The following GPR63 variants were observed in gnomAD, a reference collection of about 807,000 sequenced individuals.
GPR63 encodes the protein probable G protein-coupled receptor 63.
In GPR63, 12 loss-of-function variants were observed where a neutral mutation model predicts 23.1. The ratio of observed to expected loss-of-function variants is 0.52; its 90% confidence interval spans 0.33 to 0.84. The LOEUF is 0.84. Among genes scored for constraint, GPR63 ranks in the 40% least tolerant of loss-of-function variants. The pLI, the probability that GPR63 is intolerant of heterozygous loss-of-function variation, is 0.02. For synonymous variants in GPR63, 172 were observed against 191.1 expected, an observed-to-expected ratio of 0.90 and a Z score of 0.82; for missense variants, 472 against 515.6, an observed-to-expected ratio of 0.92 and a Z score of 0.82.
At chr6:96,815,737 A>G (rs1360331143) in intron 1 of GPR63, among the ~76,000 whole-genome samples, 2 of 152,204 alleles carry the variant, frequency 1.3e-5, no homozygotes, top group East Asian at 1.9e-4. Flanking sequence ...TATATCATAT[A>G]TATCAATAAA....
At chr6:96,821,319 C>T (rs1051114442) in intron 1 of GPR63, among the ~76,000 whole-genome samples, 4 of 152,216 alleles carry the variant, frequency 2.6e-5, no homozygotes, top group Non-Finnish European at 5.9e-5. Flanking sequence ...TCTACTCCTT[C>T]ATCCTTGCAA....
rs1194913033 is a variant in GPR63, at chr6:96,819,240, T to C, written c.-151+18028A>G. Among the ~76,000 whole-genome samples the C allele has an allele frequency of 3.9e-5, 6 of 152,280 alleles. No homozygotes were observed. The East Asian group carries it at 9.6e-4, about 24-fold the overall frequency. On this transcript the variant is annotated intron_variant, in intron 1 of 1. Coordinates refer to ENST00000229955, the MANE Select transcript of GPR63 (RefSeq NM_030784.4). ...TACACATATGTTTACTGCAGCACTA[T>C]TTACAATAGCAAAGACTTGGAACCA...
At chr6:96,826,536 C>G (rs1024920546) in intron 1 of GPR63, among the ~76,000 whole-genome samples, 3 of 152,076 alleles carry the variant, frequency 2.0e-5, no homozygotes, top group Non-Finnish European at 4.4e-5. Flanking sequence ...AAAGCAAACA[C>G]TCTACAGTAA....
rs559398782 is a variant in GPR63 at position 96,817,090 on chromosome 6, A to G, written c.-150-17209T>C. ...AAGGCAGAAGACATTTGCAATCACT[A>G]AAGACAAAGGACTCATCCTTTGAAT... is the stretch of plus-strand genomic sequence containing the variant. On this transcript the variant is annotated intron_variant, in intron 1 of 1. Transcript: ENST00000229955. Among the ~76,000 whole-genome samples the G allele has an allele frequency of 7.2e-4, 109 of 152,336 alleles. 1 individual carries two copies. In the South Asian group the frequency reaches 8.9e-3, roughly 12 times the overall value.
intron 1 of GPR63, among the ~76,000 whole-genome samples, chr6:96,805,069 T>A (rs1301311750): frequency 6.6e-6 from 1 of 152,198 alleles, no homozygotes; most frequent in Non-Finnish European, 1.5e-5. Context: ...CTTTTTCTTA[T>A]AAATTTGTTG....
At chr6:96,814,791 G>A (rs1288752861) in intron 1 of GPR63, among the ~76,000 whole-genome samples, 1 of 151,974 alleles carries the variant, frequency 6.6e-6, no homozygotes, top group Non-Finnish European at 1.5e-5. Flanking sequence ...AGGGCCTGAG[G>A]CAGCATGAGA....
At chr6:96,819,425 C>G (rs1336499864) in intron 1 of GPR63, among the ~76,000 whole-genome samples, 9 of 151,980 alleles carry the variant, frequency 5.9e-5, no homozygotes, top group African/African-American at 2.2e-4. Context: ...GAACAGAAAA[C>G]CAAACACAGC....
chr6:96,805,726 GAACT>G (rs1773879999), intron 1 of GPR63, among the ~76,000 whole-genome samples: 1 of 152,156 alleles, frequency 6.6e-6, no homozygotes, highest in East Asian at 1.9e-4. Context: ...CAAACCCTTA[GAACT>G]ATCTATTTCT....
At chr6:96,833,304 C>G (rs1278075253) in intron 1 of GPR63, among the ~76,000 whole-genome samples, 3 of 152,230 alleles carry the variant, frequency 2.0e-5, no homozygotes. Flanking sequence ...CACCAGACAG[C>G]CTCAACCAAA....
intron 1 of GPR63, among the ~76,000 whole-genome samples, chr6:96,817,729 C>G (rs865990313): frequency 6.6e-6 from 1 of 151,892 alleles, no homozygotes; most frequent in South Asian, 2.1e-4. Context: ...GAACAAAAGA[C>G]AGACACAAAT....
intron 1 of GPR63, among the ~76,000 whole-genome samples, chr6:96,800,718 T>G (rs1458572766): frequency 1.3e-5 from 2 of 152,168 alleles, no homozygotes; most frequent in Non-Finnish European, 2.9e-5. Flanking sequence ...CTTTCTTTTC[T>G]GATATGTATA....
intron 1 of GPR63, among the ~76,000 whole-genome samples, chr6:96,835,357 T>C (rs1045841283): frequency 2.0e-5 from 3 of 152,174 alleles, no homozygotes; most frequent in African/African-American, 7.2e-5. Context: ...ATAGTTATAC[T>C]ATATATAGTA....
intron 1 of GPR63, among the ~76,000 whole-genome samples, chr6:96,808,376 T>C (rs986342528): frequency 6.6e-6 from 1 of 152,174 alleles, no homozygotes; most frequent in Non-Finnish European, 1.5e-5. Flanking sequence ...CCAATGCAGA[T>C]GGTACAAATA....
chr6:96,819,807 C>T (rs1486835815), intron 1 of GPR63, among the ~76,000 whole-genome samples: 1 of 150,982 alleles, frequency 6.6e-6, no homozygotes, highest in Non-Finnish European at 1.5e-5. Flanking sequence ...CCCTTCTCTA[C>T]TAAAAATACA....
chr6:96,825,888 T>C (rs1774427245), intron 1 of GPR63, among the ~76,000 whole-genome samples: 1 of 152,006 alleles, frequency 6.6e-6, no homozygotes, highest in South Asian at 2.1e-4. Flanking sequence ...AATGCTGAAG[T>C]TCTTCAACTC....
intron 1 of GPR63, among the ~76,000 whole-genome samples, chr6:96,834,250 G>A (rs1774664147): frequency 6.6e-6 from 1 of 152,174 alleles, no homozygotes. Context: ...AAATCCTAAA[G>A]CATGTTGGGC....
intron 1 of GPR63, among the ~76,000 whole-genome samples, chr6:96,803,582 T>C (rs937364135): frequency 9.2e-5 from 14 of 152,202 alleles, no homozygotes; most frequent in African/African-American, 3.1e-4. Context: ...TCCTGGCTCA[T>C]TGGAATGTAA....
chr6:96,832,461 C>T (rs1368504638), intron 1 of GPR63, among the ~76,000 whole-genome samples: 4 of 149,318 alleles, frequency 2.7e-5, no homozygotes, highest in African/African-American at 9.9e-5. Flanking sequence ...TTTGGAGAGA[C>T]GGGGTCTCCT....
At chr6:96,813,808 CT>C (rs1774099135) in intron 1 of GPR63, among the ~76,000 whole-genome samples, 1 of 152,102 alleles carries the variant, frequency 6.6e-6, no homozygotes, top group Admixed American at 6.6e-5. Context: ...TGATCTTTAT[CT>C]CTGAGCAGTG....
Sources: gnomAD v4.1 joint callset for allele counts (sites outside exome capture counted in the v4.1 genomes callset) on GRCh38, gnomAD v4.1.1 for gene constraint, MANE v1.5 for transcripts, NCBI Gene and HGNC (gene_info 2026-07-23, HGNC 2026-07-21) for gene names.